ZFPM2: variants seen among roughly 807,000 people sequenced by gnomAD.
ZFPM2 encodes the protein zinc finger protein, FOG family member 2.
In ZFPM2, 20 loss-of-function variants were observed where a neutral mutation model predicts 98.6. The observed-to-expected ratio is 0.20, with a 90% confidence interval of 0.14 to 0.29. The LOEUF (loss-of-function observed/expected upper bound fraction) is 0.29, where lower values mean the gene tolerates loss of function less well. Among genes scored for constraint, ZFPM2 ranks in the 10% least tolerant of loss-of-function variants. The probability of loss-of-function intolerance (pLI) is 1.00; values close to 1 mark genes in which losing one functional copy is unlikely to be tolerated. For synonymous variants in ZFPM2, 518 were observed against 502.7 expected, an observed-to-expected ratio of 1.03 and a Z score of -0.41; for missense variants, 1,310 against 1,388.6, an observed-to-expected ratio of 0.94 and a Z score of 0.90.
intron 5 of ZFPM2, among the ~76,000 whole-genome samples, chr8:105,703,103 C>T (rs180700294): frequency 1.3e-5 from 2 of 152,146 alleles, no homozygotes; most frequent in East Asian, 3.9e-4. Context: ...AGAGAAGGTT[C>T]TAGACCAAGG....
intron 3 of ZFPM2, among the ~76,000 whole-genome samples, chr8:105,465,338 CA>C (rs1389667941): frequency 6.6e-6 from 1 of 151,846 alleles, no homozygotes. Flanking sequence ...ACCCCAACCA[CA>C]AGTGTTTTGG....
At chr8:105,580,827 C>CTATATATATA (rs3049323) in intron 4 of ZFPM2, among the ~76,000 whole-genome samples, 176 of 131,454 alleles carry the variant, frequency 1.3e-3, no homozygotes, top group African/African-American at 4.4e-3. Flanking sequence ...CTCTCTCTCT[C>CTATATATATA]TATATATATA....
chr8:105,586,198 G>A (rs1815710655), intron 4 of ZFPM2, among the ~76,000 whole-genome samples: 1 of 152,130 alleles, frequency 6.6e-6, no homozygotes, highest in African/African-American at 2.4e-5. Context: ...GTGTTTCAAT[G>A]AGGCACTAAA....
At chr8:105,779,249 A>T (rs545808534) in intron 5 of ZFPM2, among the ~76,000 whole-genome samples, 50 of 152,330 alleles carry the variant, frequency 3.3e-4, no homozygotes, top group African/African-American at 9.6e-5. Context: ...AGAGTAATAC[A>T]AAATCTAAAT....
chr8:105,478,379 T>G (rs1763984279), intron 3 of ZFPM2, among the ~76,000 whole-genome samples: 1 of 152,360 alleles, frequency 6.6e-6, no homozygotes, highest in Admixed American at 6.5e-5. Context: ...AATGCAAGTT[T>G]CTACTTATCC....
intron 1 of ZFPM2, among the ~76,000 whole-genome samples, chr8:105,403,687 A>T (rs548560309): frequency 1.3e-5 from 2 of 151,896 alleles, no homozygotes; most frequent in African/African-American, 2.4e-5. Context: ...TTTAACAGAG[A>T]TATAGCCTGG....
At chr8:105,774,597 G>GTGTT (rs983240875) in intron 5 of ZFPM2, among the ~76,000 whole-genome samples, 16 of 152,094 alleles carry the variant, frequency 1.1e-4, no homozygotes, top group African/African-American at 3.9e-4. Flanking sequence ...AGAAATTTGT[G>GTGTT]TGTTTAATAT....
At chr8:105,734,176 C>A (rs1812015203) in intron 5 of ZFPM2, among the ~76,000 whole-genome samples, 2 of 151,860 alleles carry the variant, frequency 1.3e-5, no homozygotes, top group Non-Finnish European at 2.9e-5. Flanking sequence ...ATGTCTTCTG[C>A]ATAAATGCAA....
At position 105,675,982 on chromosome 8, in the gene ZFPM2, G is replaced by T. The variant is rs564020762; in HGVS notation, c.532+41625G>T. On this transcript the variant is annotated intron_variant, in intron 5 of 7. Transcript: ENST00000407775. ...ATTCAAATACAGGTTTCCGTGGCTT[G>T]AGATCCCAGCTTTTCACCATTAAAC... 3.3e-5 allele frequency: 5 copies of T among 152,274 alleles called. No homozygotes were observed. In the South Asian group the frequency reaches 6.2e-4, roughly 19 times the overall value. The allele number at this position is 152,274 out of a possible 1,614,324, so 9.4% of individuals were successfully genotyped here.
chr8:105,715,281 T>A (rs934690407), intron 5 of ZFPM2, among the ~76,000 whole-genome samples: 1 of 151,638 alleles, frequency 6.6e-6, no homozygotes, highest in African/African-American at 2.4e-5. Flanking sequence ...GCATCTGTAG[T>A]CCCAGCTATT....
intron 3 of ZFPM2, among the ~76,000 whole-genome samples, chr8:105,529,560 T>C (rs894585965): frequency 1.3e-5 from 2 of 149,724 alleles, no homozygotes; most frequent in Non-Finnish European, 2.9e-5. Context: ...TGTGCTCTTC[T>C]AACAACACAA....
intron 4 of ZFPM2, among the ~76,000 whole-genome samples, chr8:105,622,334 T>C (rs1347797218): frequency 1.3e-5 from 2 of 152,120 alleles, no homozygotes; most frequent in Admixed American, 6.6e-5. Flanking sequence ...TTATAAAGAA[T>C]GTGATAGGAT....
chr8:105,649,891 C>T (rs1339400448), intron 5 of ZFPM2, among the ~76,000 whole-genome samples: 3 of 152,152 alleles, frequency 2.0e-5, no homozygotes, highest in African/African-American at 7.2e-5. Flanking sequence ...TGATGCTGGC[C>T]TCATAGACTG....
chr8:105,620,885 G>A (rs929915267), intron 4 of ZFPM2, among the ~76,000 whole-genome samples: 1 of 152,082 alleles, frequency 6.6e-6, no homozygotes. Flanking sequence ...TGTTCCATTG[G>A]TCTATATCTC....
chr8:105,789,434 A>G (rs990199150), intron 6 of ZFPM2, among the ~76,000 whole-genome samples: 15 of 152,224 alleles, frequency 9.9e-5, no homozygotes, highest in Non-Finnish European at 2.2e-4. Context: ...TTATGGCTAC[A>G]TAGTATTCCA....
Position 105,743,601 on chromosome 8 carries a change from T to C in ZFPM2, c.533-45117T>C, listed in dbSNP as rs1176322466. On this transcript the variant is annotated intron_variant, in intron 5 of 7. Coordinates refer to ENST00000407775, the MANE Select transcript of ZFPM2 (RefSeq NM_012082.4). ...GTCTCACATGAATCACCCAGATCTC[T>C]AAGATTGTCTTGACTCTCTTTGCCA... 3.9e-5 allele frequency among the ~76,000 whole-genome samples: 6 copies of C among 152,100 alleles called. No individual in the cohort carries two copies. The East Asian group carries it at 1.2e-3, about 30-fold the overall frequency.
intron 1 of ZFPM2, among the ~76,000 whole-genome samples, chr8:105,411,266 A>G (rs1811572075): frequency 6.6e-6 from 1 of 151,850 alleles, no homozygotes; most frequent in Non-Finnish European, 1.5e-5. Context: ...AGGAAGTAAG[A>G]AAAATGCATG....
intron 1 of ZFPM2, among the ~76,000 whole-genome samples, chr8:105,400,185 C>T (rs1183680363): frequency 6.6e-6 from 1 of 151,918 alleles, no homozygotes; most frequent in African/African-American, 2.4e-5. Context: ...TGATTAATAA[C>T]CAATTTTGCT....
At chr8:105,429,203 G>T (rs1811970422) in intron 2 of ZFPM2, among the ~76,000 whole-genome samples, 1 of 151,974 alleles carries the variant, frequency 6.6e-6, no homozygotes, top group South Asian at 2.1e-4. Context: ...TGTATTTTAG[G>T]TCTTACGTAA....
Sources: allele counts gnomAD v4.1 joint callset (sites outside exome capture counted in the v4.1 genomes callset), GRCh38; gene constraint gnomAD v4.1.1; transcripts MANE v1.5; gene names NCBI Gene and HGNC (gene_info 2026-07-23, HGNC 2026-07-21).